The following ZFP1 variants were observed in gnomAD, a reference collection of about 807,000 sequenced individuals.
ZFP1 encodes the protein ZFP1 zinc finger protein.
A neutral mutation model predicts 38.5 loss-of-function variants in ZFP1; 32 were observed. The observed-to-expected ratio is 0.83, with a 90% CI of 0.63 to 1.12. The LOEUF (loss-of-function observed/expected upper bound fraction) is 1.12. ZFP1 is among the 50% of genes most tolerant of loss of function. The pLI, the probability that ZFP1 is intolerant of heterozygous loss-of-function variation, is 0.00. For synonymous variants in ZFP1, 245 were observed against 168.8 expected, an observed-to-expected ratio of 1.45 and a Z score of -3.50; for missense variants, 616 against 480.8, an observed-to-expected ratio of 1.28 and a Z score of -2.63.
At chr16:75,130,750 T>C in the ZFP1 span, among the ~76,000 whole-genome samples, 1 of 152,042 alleles carries the variant, frequency 6.6e-6, no homozygotes, top group African/African-American at 2.4e-5. Flanking sequence ...GCCCTGTTCA[T>C]GCCTGCCTAG....
At chr16:75,151,205 C>CTTTTACTT (rs2037189583) in intron 1 of ZFP1, among the ~76,000 whole-genome samples, 1 of 151,644 alleles carries the variant, frequency 6.6e-6, no homozygotes, top group Admixed American at 6.6e-5. Flanking sequence ...TTCCTGACTC[C>CTTTTACTT]TACAACTGAT....
At chr16:75,161,225 C>T (rs184627628) in intron 2 of ZFP1, among the ~76,000 whole-genome samples, 12 of 152,102 alleles carry the variant, frequency 7.9e-5, no homozygotes, top group Admixed American at 6.5e-4. Flanking sequence ...TGCGCCACCA[C>T]GCCTGGCTAA....
chr16:75,169,640 T>TA lies in ZFP1; in HGVS notation c.536dup (p.Asn179LysfsTer12). On this transcript the variant is annotated frameshift_variant, in exon 4 of 4. Transcript: ENST00000570010. LOFTEE classifies it high-confidence loss of function. ...GCAGCCATTTTTAAACATCAGAAAA[T>TA]AAAAAACTTGGTTCAACCTTTCATT... 3.1e-6 allele frequency: 5 copies of TA among 1,593,754 alleles called. No homozygotes were observed. Among genetic ancestry groups the TA allele is most frequent in the Non-Finnish European group, 4.3e-6 (5 of 1,174,466 alleles).
At position 75,158,631 on chromosome 16, in the gene ZFP1, A is replaced by AT. The variant is rs34686066; in HGVS notation, c.15+5681dup. 6.9e-3 allele frequency among the ~76,000 whole-genome samples: 983 copies of AT among 142,190 alleles called. 5 individuals are homozygous for AT. The highest frequency in any genetic ancestry group is 0.024 in the African/African-American group (900 of 38,092). The allele number at this position is 142,190 out of a possible 152,430, so 93.3% of individuals were successfully genotyped here. Reference sequence around the variant, plus strand: ...TAATTGGTTTATTATTTTATTTGTGATTTTTTTTTTTTTTTTACAGGCATA... The same window carrying AT: ...TAATTGGTTTATTATTTTATTTGTGATTTTTTTTTTTTTTTTTACAGGCATA... On this transcript the variant is annotated intron_variant, in intron 2 of 3. Transcript: ENST00000570010.
the ZFP1 span, among the ~76,000 whole-genome samples, chr16:75,134,752 A>G: frequency 7.1e-6 from 1 of 140,910 alleles, no homozygotes; most frequent in Non-Finnish European, 1.5e-5. Context: ...CTCCGCCTCA[A>G]AAAAAAAAAA....
chr16:75,153,788 C>G (rs1490635142), intron 2 of ZFP1, among the ~76,000 whole-genome samples: 2 of 152,206 alleles, frequency 1.3e-5, no homozygotes, highest in Non-Finnish European at 2.9e-5. Flanking sequence ...GTATCCATCA[C>G]TATGGCATCA....
intron 2 of ZFP1, among the ~76,000 whole-genome samples, chr16:75,163,652 C>G (rs2037907687): frequency 6.6e-6 from 1 of 150,520 alleles, no homozygotes; most frequent in Non-Finnish European, 1.5e-5. Flanking sequence ...TGCTGTGTCT[C>G]CAGGGCTGAA....
chr16:75,135,169 C>T, the ZFP1 span, among the ~76,000 whole-genome samples: 1 of 137,560 alleles, frequency 7.3e-6, no homozygotes, highest in African/African-American at 2.7e-5. Flanking sequence ...ATGATCACAA[C>T]ACTGCACTCC....
intron 1 of ZFP1, among the ~76,000 whole-genome samples, chr16:75,150,932 G>C (rs1262139000): frequency 6.6e-6 from 1 of 152,108 alleles, no homozygotes; most frequent in Admixed American, 6.6e-5. Context: ...TCAGCCTCCC[G>C]AGTAGCTAGG....
the ZFP1 span, among the ~76,000 whole-genome samples, chr16:75,133,196 C>T: frequency 6.0e-4 from 92 of 152,210 alleles, 6 homozygotes; most frequent in South Asian, 2.1e-4. Flanking sequence ...AGGCTGGTCT[C>T]GAACTCCTGA....
intron 2 of ZFP1, among the ~76,000 whole-genome samples, chr16:75,153,667 T>C (rs1445975293): frequency 3.3e-5 from 5 of 152,194 alleles, no homozygotes; most frequent in Admixed American, 2.0e-4. Context: ...TATGCATTAA[T>C]GTATATTGTT....
chr16:75,123,778 A>T, the ZFP1 span, among the ~76,000 whole-genome samples: 1 of 150,882 alleles, frequency 6.6e-6, no homozygotes, highest in Non-Finnish European at 1.5e-5. Context: ...ACACAGGCCA[A>T]AAACATTCTT....
chr16:75,167,753 A>G (rs1349569362), intron 3 of ZFP1, among the ~76,000 whole-genome samples: 1 of 152,020 alleles, frequency 6.6e-6, no homozygotes, highest in Non-Finnish European at 1.5e-5. Context: ...ACACACCACC[A>G]TGTCCTGCTA....
chr16:75,137,775 T>A, the ZFP1 span, among the ~76,000 whole-genome samples: 3 of 151,844 alleles, frequency 2.0e-5, no homozygotes, highest in Non-Finnish European at 4.4e-5. Flanking sequence ...CCCAAAATAT[T>A]CCTTTAATGA....
chr16:75,140,705 A>G, the ZFP1 span, among the ~76,000 whole-genome samples: 1 of 152,218 alleles, frequency 6.6e-6, no homozygotes. Context: ...CACGCCTGTA[A>G]TCCCAGCACT....
chr16:75,127,951 T>C, the ZFP1 span: 1 of 152,250 alleles, frequency 6.6e-6, no homozygotes, highest in Non-Finnish European at 1.5e-5. Context: ...GGAAACTATT[T>C]GTGAGTATTC....
At chr16:75,167,364 A>G (rs11643063) in intron 3 of ZFP1, among the ~76,000 whole-genome samples, 32,973 of 151,490 alleles carry the variant, frequency 0.22, 4,420 homozygotes, top group Non-Finnish European at 0.31. Context: ...TCTCTGAAGC[A>G]TACCTCCAAA....
At chr16:75,123,135 CGT>C in the ZFP1 span, among the ~76,000 whole-genome samples, 1 of 151,782 alleles carries the variant, frequency 6.6e-6, no homozygotes, top group Non-Finnish European at 1.5e-5. Context: ...GAGTGGATCA[CGT>C]GAGGTCAGAA....
At chr16:75,156,192 G>T (rs1047085398) in intron 2 of ZFP1, among the ~76,000 whole-genome samples, 2 of 152,112 alleles carry the variant, frequency 1.3e-5, no homozygotes, top group African/African-American at 4.8e-5. Context: ...GGTGGGTCAC[G>T]CCGGTAATCC....
Sources: allele counts gnomAD v4.1 joint callset (sites outside exome capture counted in the v4.1 genomes callset), GRCh38; gene constraint gnomAD v4.1.1; transcripts MANE v1.5; gene names NCBI Gene and HGNC (gene_info 2026-07-23, HGNC 2026-07-21).